Variants in PIK3AP1 observed in about 807,000 individuals in gnomAD.
PIK3AP1 encodes the protein phosphoinositide-3-kinase adaptor protein 1.
In PIK3AP1, 21 loss-of-function variants were observed where a neutral mutation model predicts 88.1. That is an observed-to-expected ratio of 0.24 (90% CI 0.17 to 0.34). PIK3AP1 has a LOEUF of 0.34. PIK3AP1 is among the 10% of genes least tolerant of loss of function. The probability of loss-of-function intolerance (pLI) is 1.00; values close to 1 mark genes in which losing one functional copy is unlikely to be tolerated. For missense variants in PIK3AP1, 828 were observed against 1,035.7 expected, an observed-to-expected ratio of 0.80 and a Z score of 2.75; for synonymous variants, 398 against 400.0, an observed-to-expected ratio of 1.00 and a Z score of 0.06.
At chr10:96,601,383 A>G (rs1158753537) in intron 16 of PIK3AP1, among the ~76,000 whole-genome samples, 3 of 151,108 alleles carry the variant, frequency 2.0e-5, no homozygotes, top group Non-Finnish European at 4.4e-5. Flanking sequence ...CTGAGGCAGG[A>G]GAATCACTTG....
chr10:96,619,206 C>T (rs185139600), intron 12 of PIK3AP1, among the ~76,000 whole-genome samples: 24 of 152,274 alleles, frequency 1.6e-4, no homozygotes, highest in Non-Finnish European at 2.9e-4. Flanking sequence ...ATAGCACTGT[C>T]GGAGGTCAGC....
chr10:96,684,164 T>C (rs1844038841), intron 2 of PIK3AP1, among the ~76,000 whole-genome samples: 1 of 152,076 alleles, frequency 6.6e-6, no homozygotes, highest in East Asian at 1.9e-4. Flanking sequence ...AGAGCAAAAA[T>C]AAGCCATTCT....
Position 96,666,190 on chromosome 10 carries a change from C to G in PIK3AP1, c.431-9256G>C, listed in dbSNP as rs182041185. Among the ~76,000 whole-genome samples the G allele has an allele frequency of 2.6e-3, 393 of 152,162 alleles. 2 individuals carry two copies. Among genetic ancestry groups the G allele is most frequent in the Non-Finnish European group, 5.0e-3 (338 of 67,996 alleles). On this transcript the variant is annotated intron_variant, in intron 2 of 16. Transcript: ENST00000339364. ...ATCCCAGCACTTTGGGAGGCCGAGG[C>G]GGGAGGATCACAAGGTCAGGAGATC... is the stretch of plus-strand genomic sequence containing the variant.
chr10:96,686,254 AAGACTT>A (rs2134268311), intron 2 of PIK3AP1, among the ~76,000 whole-genome samples: 1 of 152,328 alleles, frequency 6.6e-6, no homozygotes, highest in Non-Finnish European at 1.5e-5. Flanking sequence ...TCTGTGCTCC[AAGACTT>A]CAACCCAACA....
intron 2 of PIK3AP1, among the ~76,000 whole-genome samples, chr10:96,668,257 C>A (rs1457278133): frequency 6.6e-6 from 1 of 152,184 alleles, no homozygotes; most frequent in South Asian, 2.1e-4. Flanking sequence ...GAGTTGTACA[C>A]TTAAAATGCA....
In PIK3AP1 at chr10:96,625,547, C is replaced by T. The variant is rs934852984; in HGVS notation, c.1669+1161G>A. ...AAATGTGTGTACTATTTGGGACATA[C>T]ACTAAAAACTCATTTGCCATTTATT... On this transcript the variant is annotated intron_variant, in intron 10 of 16. Transcript: ENST00000339364. Among the ~76,000 whole-genome samples, 2 of 152,212 alleles carry T rather than the reference C, an allele frequency of 1.3e-5. 1 individual carries two copies. Among genetic ancestry groups the T allele is most frequent in the African/African-American group, 4.8e-5 (2 of 41,450 alleles).
At position 96,645,614 on chromosome 10, in the gene PIK3AP1, C is replaced by T. The variant is rs760007926; in HGVS notation, c.1234G>A (p.Gly412Arg). ...TCGTACACAGCATCAGCCTCCTCCC[C>T]GTGCATCAGTTCCTCTTTAATGTGA... is the stretch of plus-strand genomic sequence containing the variant. ...KSHIKEELMH[G>R]EEADAVYESM... is the part of the protein sequence containing the mutation. The change falls in exon 8 of 17, where the codon GGG becomes AGG. Residue 412 changes from glycine to arginine, a missense_variant. Gly to Arg is a moderately radical substitution (Grantham distance 125). Transcript: ENST00000339364. The T allele has an allele frequency of 8.1e-6, 13 of 1,611,178 alleles. No homozygotes were observed. The highest frequency in any genetic ancestry group is 1.1e-5 in the Non-Finnish European group (13 of 1,178,752).
intron 2 of PIK3AP1, among the ~76,000 whole-genome samples, chr10:96,665,433 A>G (rs1843747596): frequency 6.6e-6 from 1 of 152,176 alleles, no homozygotes; most frequent in Admixed American, 6.5e-5. Context: ...ACTCCTGTCC[A>G]GGTCCTTGGT....
rs535893764 is a variant in PIK3AP1, at chr10:96,633,276, A to G, written c.1376-4783T>C. 9 of 473,756 alleles carry G rather than the reference A, an allele frequency of 1.9e-5. No individual in the cohort carries two copies. The South Asian group carries it at 3.9e-4, about 21-fold the overall frequency. 29.3% of individuals were successfully genotyped at this position (473,756 alleles called of 1,614,324 possible). A position where few individuals can be genotyped will look rare whatever the true frequency, so the allele number is the denominator to read the frequency against. On this transcript the variant is annotated intron_variant, in intron 8 of 16. Transcript: ENST00000339364. Reference sequence around the variant, plus strand: ...GCAATGTTGCCTGGAAACATAGTTGACATTTGGCTCTTACCAGGTTACCGG... The same window carrying G: ...GCAATGTTGCCTGGAAACATAGTTGGCATTTGGCTCTTACCAGGTTACCGG...
At chr10:96,603,024 C>T (rs1409418106) in intron 15 of PIK3AP1, among the ~76,000 whole-genome samples, 1 of 152,192 alleles carries the variant, frequency 6.6e-6, no homozygotes, top group Non-Finnish European at 1.5e-5. Flanking sequence ...AGCTCCTAAT[C>T]CAGACCCAGA....
At chr10:96,614,403 T>C (rs1459071455) in intron 13 of PIK3AP1, among the ~76,000 whole-genome samples, 2 of 149,740 alleles carry the variant, frequency 1.3e-5, no homozygotes, top group African/African-American at 4.9e-5. Context: ...ACAGCTTTTC[T>C]GCCTTCTCTC....
intron 16 of PIK3AP1, among the ~76,000 whole-genome samples, chr10:96,600,679 GAAGA>G (rs1339877430): frequency 2.0e-5 from 3 of 152,232 alleles, no homozygotes; most frequent in Admixed American, 1.3e-4. Context: ...CAGAACACCA[GAAGA>G]AAGACCTCCT....
chr10:96,645,408 A>C, intron 8 of PIK3AP1, 65 bp downstream of exon 8: 67 of 1,492,484 alleles, frequency 4.5e-5, no homozygotes, highest in Non-Finnish European at 5.7e-5. Context: ...CGCCATCTTC[A>C]TCCGGAATGA....
intron 2 of PIK3AP1, among the ~76,000 whole-genome samples, chr10:96,706,959 C>T (rs1171051811): frequency 6.6e-6 from 1 of 152,206 alleles, no homozygotes; most frequent in African/African-American, 2.4e-5. Context: ...TTCCTTCCTC[C>T]TCTTCTCTTT....
At chr10:96,632,958 G>A (rs1254993978) in intron 8 of PIK3AP1, 4 of 1,612,884 alleles carry the variant, frequency 2.5e-6, no homozygotes, top group Non-Finnish European at 3.4e-6. Context: ...GCAGGGCAGT[G>A]AAGAGAGCTG....
chr10:96,623,598 A>G, intron 10 of PIK3AP1, 61 bp from the exon 11 acceptor site: 1 of 1,414,124 alleles, frequency 7.1e-7, no homozygotes. Context: ...CAAAATAATA[A>G]TAATAATGAA....
intron 8 of PIK3AP1, among the ~76,000 whole-genome samples, chr10:96,630,563 A>G (rs894706477): frequency 2.0e-5 from 3 of 152,154 alleles, no homozygotes; most frequent in Non-Finnish European, 4.4e-5. Flanking sequence ...GGCCGGGCAC[A>G]GGGTATCACA....
intron 2 of PIK3AP1, among the ~76,000 whole-genome samples, chr10:96,695,093 G>GA (rs950292459): frequency 4.9e-4 from 74 of 152,080 alleles, no homozygotes; most frequent in African/African-American, 1.4e-3. Context: ...CATTTTTCCA[G>GA]AAAAAAATCT....
At chr10:96,711,431 G>C (rs1428005397) in intron 1 of PIK3AP1, among the ~76,000 whole-genome samples, 1 of 152,248 alleles carries the variant, frequency 6.6e-6, no homozygotes, top group Non-Finnish European at 1.5e-5. Flanking sequence ...GAAGAGGTGA[G>C]TATAAAGTGT....
Sources: gnomAD v4.1 joint callset for allele counts (sites outside exome capture counted in the v4.1 genomes callset) on GRCh38, gnomAD v4.1.1 for gene constraint, MANE v1.5 for transcripts, NCBI Gene and HGNC (gene_info 2026-07-23, HGNC 2026-07-21) for gene names.